Variants in C2orf15 observed in about 807,000 individuals in gnomAD.
The protein encoded by C2orf15 is uncharacterized protein C2orf15.
In C2orf15, 3 loss-of-function variants were observed where a neutral mutation model predicts 4.4. That is an observed-to-expected ratio of 0.67 (90% confidence interval 0.31 to 1.74). The LOEUF is 1.74. Ranked by LOEUF, C2orf15 falls within the 40% of genes most tolerant of loss-of-function variation. The pLI is 0.09. For missense variants in C2orf15, 90 were observed against 103.3 expected, an observed-to-expected ratio of 0.87 and a Z score of 0.56; for synonymous variants, 37 against 36.8, an observed-to-expected ratio of 1.00 and a Z score of -0.02.
rs759950089 is a variant in C2orf15 at position 99,150,806 on chromosome 2, A to C, written c.248A>C (p.Asp83Ala). 1.3e-6 allele frequency: 2 copies of C among 1,598,212 alleles called. No homozygotes were observed. Among genetic ancestry groups the C allele is most frequent in the African/African-American group, 1.4e-5 (1 of 73,688 alleles). ...LGSVVYVKES[D>A]GLEMTDVE ...TCAGTGGTATATGTCAAAGAAAGTG[A>C]TGGACTAGAAATGACAGATGTGGAA... The change falls in exon 4 of 4, where the codon GAT (aspartate) becomes GCT (alanine). Residue 83 changes from aspartate to alanine, a missense_variant. Physicochemically the swap from Asp to Ala is moderately radical, Grantham distance 126. Transcript: ENST00000650052.
At chr2:99,142,214 T>G (rs994038615) in intron 1 of C2orf15, 71 bp from the exon 2 acceptor site, 1 of 152,262 alleles carries the variant, frequency 6.6e-6, no homozygotes, top group African/African-American at 2.4e-5. Flanking sequence ...TCTTAATACC[T>G]ACCATGTCCC....
At chr2:99,146,837 C>G (rs2105137764) in intron 2 of C2orf15, among the ~76,000 whole-genome samples, 1 of 152,330 alleles carries the variant, frequency 6.6e-6, no homozygotes, top group East Asian at 1.9e-4. Flanking sequence ...CCATGTTGAT[C>G]AGGCTGGTCT....
chr2:99,149,748 C>CTAG, intron 3 of C2orf15, among the ~76,000 whole-genome samples: 1 of 143,620 alleles, frequency 7.0e-6, no homozygotes, highest in East Asian at 2.2e-4. Context: ...GGCCGATCAT[C>CTAG]TCTTTTTACA....
intron 1 of C2orf15, 103 bp from the exon 2 acceptor site, chr2:99,142,182 G>A (rs2093573014): frequency 6.6e-6 from 1 of 152,182 alleles, no homozygotes; most frequent in Non-Finnish European, 1.5e-5. Flanking sequence ...AGAATGGGGG[G>A]GAAAAAAGTC....
chr2:99,144,435 C>G (rs947940426), intron 2 of C2orf15, among the ~76,000 whole-genome samples: 1 of 151,600 alleles, frequency 6.6e-6, no homozygotes, highest in African/African-American at 2.4e-5. Context: ...ATCACTCTCC[C>G]GAACTGCCTG....
At position 99,147,442 on chromosome 2, in the gene C2orf15, GCCC is replaced by G; in HGVS notation, c.-125_-123del. The G allele has an allele frequency of 1.9e-6, 3 of 1,612,968 alleles. No homozygotes were observed. Among genetic ancestry groups the G allele is most frequent in the South Asian group, 1.1e-5 (1 of 90,986 alleles). ...GCAACCTAAATGCCAGTCCAAAGAG[GCCC>G]CCAATAGACTTGTTCACCCTTCATG... On this transcript the variant is annotated 5_prime_UTR_variant, in exon 3 of 4. Transcript: ENST00000650052.
chr2:99,143,133 CTTTTTTTTT>C (rs10605521), intron 2 of C2orf15, among the ~76,000 whole-genome samples: 1 of 82,154 alleles, frequency 1.2e-5, no homozygotes, highest in African/African-American at 4.5e-5. Flanking sequence ...CCAACTAAAC[CTTTTTTTTT>C]TTTTTTTTTT....
chr2:99,142,196 T>A (rs1213890822), intron 1 of C2orf15, 89 bp from the exon 2 acceptor site: 1 of 152,256 alleles, frequency 6.6e-6, no homozygotes, highest in Non-Finnish European at 1.5e-5. Context: ...AAAAGTCTTC[T>A]TAATTTTTCT....
At chr2:99,147,157 T>G in intron 2 of C2orf15, 1 of 289,306 alleles carries the variant, frequency 3.5e-6, no homozygotes, top group Non-Finnish European at 6.3e-6. Context: ...TGGCATATCT[T>G]TTTGTTTTTT....
chr2:99,149,439 C>A (rs572180126), intron 3 of C2orf15, among the ~76,000 whole-genome samples: 42 of 132,878 alleles, frequency 3.2e-4, no homozygotes, highest in African/African-American at 1.1e-3. Flanking sequence ...GCTACATGAT[C>A]ATCTTTTTTT....
At chr2:99,148,885 A>C (rs935734603) in intron 3 of C2orf15, among the ~76,000 whole-genome samples, 6 of 152,224 alleles carry the variant, frequency 3.9e-5, no homozygotes, top group Non-Finnish European at 5.9e-5. Flanking sequence ...TTTGCACAAA[A>C]ATGTAAATGT....
chr2:99,143,900 A>AT (rs1392123919), intron 2 of C2orf15, among the ~76,000 whole-genome samples: 4 of 151,970 alleles, frequency 2.6e-5, no homozygotes, highest in Non-Finnish European at 4.4e-5. Flanking sequence ...TGTTATTACT[A>AT]TTTTTTGTTT....
At chr2:99,149,567 C>T (rs1258047353) in intron 3 of C2orf15, among the ~76,000 whole-genome samples, 4 of 150,066 alleles carry the variant, frequency 2.7e-5, no homozygotes, top group Admixed American at 6.7e-5. Flanking sequence ...CTCAGCCTCC[C>T]GAGTAGCTGG....
At chr2:99,147,571 G>A (rs2093645305) in intron 3 of C2orf15, 78 bp downstream of exon 3, 2 of 1,200,040 alleles carry the variant, frequency 1.7e-6, no homozygotes, top group South Asian at 1.3e-5. Flanking sequence ...AGTTTAATGT[G>A]CAAATTGATA....
At chr2:99,150,438 GA>G in intron 3 of C2orf15, 44 bp from the exon 4 acceptor site, 7 of 1,119,430 alleles carry the variant, frequency 6.3e-6, no homozygotes, top group Non-Finnish European at 8.9e-6. Flanking sequence ...TGAAGTTAGG[GA>G]AATTCCTGCT....
chr2:99,150,576 T>G lies in C2orf15; in HGVS notation c.18T>G (p.Ser6Arg). The G allele has an allele frequency of 6.2e-7, 1 of 1,613,600 alleles. No homozygotes were observed. The highest frequency in any genetic ancestry group is 8.5e-7 in the Non-Finnish European group (1 of 1,179,644). Residue 6 changes from serine (S) to arginine (R), a missense_variant, in exon 4 of 4, where the codon AGT becomes AGG. Transcript: ENST00000650052. Reference sequence around the variant, plus strand: ...CTATCCTAATGGGATTTTCACTTAGTAAATCTGCTACTCAGGTATCTGCTA... The same window carrying G: ...CTATCCTAATGGGATTTTCACTTAGGAAATCTGCTACTCAGGTATCTGCTA... The part of the protein sequence containing the change: MGFSL[S>R]KSATQVSAIH...
chr2:99,148,200 A>G (rs934555895), intron 3 of C2orf15: 1 of 152,144 alleles, frequency 6.6e-6, no homozygotes, highest in Non-Finnish European at 1.5e-5. Flanking sequence ...TTGTTTCCTC[A>G]TGTTTAGATT....
In C2orf15 at chr2:99,150,709, G is replaced by A. The variant is rs981534089; in HGVS notation, c.151G>A (p.Asp51Asn). Residue 51 changes from aspartate to asparagine, a missense_variant, in exon 4 of 4, where the codon GAC becomes AAC. Asp to Asn is a conservative substitution (Grantham distance 23). Transcript: ENST00000650052. ...FQNTKKIRLEDTNQENFTRIE... is the reference protein window; with the variant it reads ...FQNTKKIRLENTNQENFTRIE... ...AAACACCAAGAAAATAAGATTAGAA[G>A]ACACAAATCAAGAAAACTTTACAAG... 3.1e-6 allele frequency: 5 copies of A among 1,613,866 alleles called. No individual in the cohort carries two copies. Among genetic ancestry groups the A allele is most frequent in the East Asian group, 2.2e-5 (1 of 44,884 alleles).
chr2:99,147,579 A>G (rs912643409), intron 3 of C2orf15, 86 bp downstream of exon 3: 9 of 1,130,360 alleles, frequency 8.0e-6, no homozygotes, highest in Non-Finnish European at 1.1e-5. Context: ...GTGCAAATTG[A>G]TAATTATATG....
Sources: gnomAD v4.1 joint callset for allele counts (sites outside exome capture counted in the v4.1 genomes callset) on GRCh38, gnomAD v4.1.1 for gene constraint, MANE v1.5 for transcripts, NCBI Gene and HGNC (gene_info 2026-07-23, HGNC 2026-07-21) for gene names.